Variants in ZMYM1 observed in about 807,000 individuals in gnomAD.
ZMYM1 encodes zinc finger MYM-type containing 1, also known as zinc finger MYM-type protein 1.
Under a neutral mutation model 60.0 loss-of-function variants are expected in ZMYM1, and 39 were observed. That is an observed-to-expected ratio of 0.65 (90% CI 0.50 to 0.85). ZMYM1 has a LOEUF of 0.85. Ranked by LOEUF, ZMYM1 falls within the 40% of genes least tolerant of loss-of-function variation. The pLI is 0.00. For synonymous variants in ZMYM1, 413 were observed against 454.0 expected, an observed-to-expected ratio of 0.91 and a Z score of 1.15; for missense variants, 1,171 against 1,309.5, an observed-to-expected ratio of 0.89 and a Z score of 1.63.
At chr1:35,098,472 A>G (rs1356656015) in intron 4 of ZMYM1, among the ~76,000 whole-genome samples, 1 of 152,208 alleles carries the variant, frequency 6.6e-6, no homozygotes, top group Admixed American at 6.5e-5. Flanking sequence ...TCTAAATATA[A>G]CAAATTTCTT....
chr1:35,104,467 A>G lies in ZMYM1; in HGVS notation c.592A>G (p.Ile198Val). ...GTGCAGCATGTGCCAGAAGACTGCT[A>G]TTGTAAGTTCCAATTATAACCTTTA... ...TKCSMCQKTA[I>V]IQYEVKYQNV... The change falls in exon 5 of 10, where the codon ATT becomes GTT. Residue 198 changes from isoleucine (I) to valine (V), a missense_variant and splice_region_variant. Transcript: ENST00000359858. 1.2e-6 allele frequency: 2 copies of G among 1,609,318 alleles called. No homozygotes were observed. The highest frequency in any genetic ancestry group is 1.7e-6 in the Non-Finnish European group (2 of 1,176,802).
intron 4 of ZMYM1, among the ~76,000 whole-genome samples, chr1:35,098,277 C>T (rs1307294253): frequency 1.3e-5 from 2 of 151,944 alleles, no homozygotes; most frequent in Admixed American, 1.3e-4. Context: ...AATTGATGGC[C>T]ATAGATAAAC....
chr1:35,103,210 T>C (rs1643746930), intron 4 of ZMYM1, among the ~76,000 whole-genome samples: 1 of 152,202 alleles, frequency 6.6e-6, no homozygotes, highest in African/African-American at 2.4e-5. Flanking sequence ...CCAAAACATT[T>C]CCATCACTTC....
chr1:35,068,491 C>T (rs965186742), intron 1 of ZMYM1, among the ~76,000 whole-genome samples: 1 of 148,596 alleles, frequency 6.7e-6, no homozygotes, highest in Non-Finnish European at 1.5e-5. Context: ...GGGATAGACA[C>T]ATAGATTCAT....
chr1:35,115,207 A>C lies in ZMYM1; in HGVS notation c.3377A>C (p.Glu1126Ala). 1 of 1,605,336 alleles carries C rather than the reference A, an allele frequency of 6.2e-7. No individual in the cohort carries two copies. The highest frequency in any genetic ancestry group is 8.5e-7 in the Non-Finnish European group (1 of 1,177,878). The change falls in exon 10 of 10, where the codon GAA becomes GCA. Residue 1126 changes from glutamate to alanine, a missense_variant. Transcript: ENST00000359858. ...QELVNKLMEP[E>A]RLNEIVEKFI... ...TTGGTAAATAAACTAATGGAGCCTG[A>C]AAGACTCAATGAAATTGTGGAAAAG...
chr1:35,075,277 T>A (rs575872775), upstream of ZMYM1, among the ~76,000 whole-genome samples: 4 of 152,286 alleles, frequency 2.6e-5, no homozygotes, highest in East Asian at 7.7e-4. Flanking sequence ...TGTTTGTCTT[T>A]AATGGTGAGG....
chr1:35,106,606 C>A (rs1643894821), intron 6 of ZMYM1, among the ~76,000 whole-genome samples: 3 of 93,934 alleles, frequency 3.2e-5, no homozygotes, highest in Non-Finnish European at 1.9e-5. Flanking sequence ...GAGACTCCGT[C>A]TCAAAAAAAA....
intron 1 of ZMYM1, among the ~76,000 whole-genome samples, chr1:35,068,485 T>C (rs1421019438): frequency 6.7e-6 from 1 of 148,650 alleles, no homozygotes; most frequent in Non-Finnish European, 1.5e-5. Flanking sequence ...TGCAAAGGGA[T>C]AGACACATAG....
chr1:35,074,137 C>G (rs1288990196), intron 1 of ZMYM1, among the ~76,000 whole-genome samples: 2 of 152,150 alleles, frequency 1.3e-5, no homozygotes, highest in Non-Finnish European at 2.9e-5. Context: ...ACCAATTGGT[C>G]ATTCAGGATC....
chr1:35,088,454 A>ATATATATATATATATATG, intron 1 of ZMYM1, among the ~76,000 whole-genome samples: 1 of 107,250 alleles, frequency 9.3e-6, no homozygotes, highest in Non-Finnish European at 1.7e-5. Flanking sequence ...ATATATATAT[A>ATATATATATATATATATG]TGTGTGTGTG....
Position 35,104,391 on chromosome 1 carries a change from A to G in ZMYM1, c.516A>G (p.Glu172=). The G allele has an allele frequency of 6.2e-7, 1 of 1,613,322 alleles. No individual in the cohort carries two copies. Among genetic ancestry groups the G allele is most frequent in the South Asian group, 1.1e-5 (1 of 90,978 alleles). ...GCCTATCTTGTCTTTCATCATATGAAGAAAAAAGAAAACCATTTGTTACCA... is the reference window on the plus strand; with the variant it reads ...GCCTATCTTGTCTTTCATCATATGAGGAAAAAAGAAAACCATTTGTTACCA... ...FCSLSCLSSY[E]EKRKPFVTIC... Residue 172 remains glutamate (E), a synonymous_variant, in exon 5 of 10, where the codon GAA becomes GAG. Transcript: ENST00000359858.
intron 4 of ZMYM1, among the ~76,000 whole-genome samples, chr1:35,100,928 C>T (rs769784965): frequency 6.6e-6 from 1 of 151,858 alleles, no homozygotes; most frequent in Non-Finnish European, 1.5e-5. Flanking sequence ...TTTACCCTCC[C>T]AAGTAGCTGG....
chr1:35,078,112 T>G (rs1418289522), upstream of ZMYM1, among the ~76,000 whole-genome samples: 2 of 152,222 alleles, frequency 1.3e-5, no homozygotes, highest in Non-Finnish European at 2.9e-5. Context: ...GTAAGGTCCT[T>G]TCTAATCCTA....
intron 2 of ZMYM1, 61 bp downstream of exon 2, chr1:35,094,144 A>G (rs1569933762): frequency 1.4e-6 from 2 of 1,435,132 alleles, no homozygotes; most frequent in East Asian, 2.4e-5. Flanking sequence ...AATTTTAGTT[A>G]CAAAGGTGCT....
intron 6 of ZMYM1, among the ~76,000 whole-genome samples, chr1:35,106,608 CAA>C (rs752085700): frequency 4.0e-3 from 154 of 38,850 alleles, no homozygotes; most frequent in African/African-American, 0.013. Flanking sequence ...GACTCCGTCT[CAA>C]AAAAAAAAAA....
upstream of ZMYM1, among the ~76,000 whole-genome samples, chr1:35,076,673 C>T (rs568412886): frequency 6.6e-6 from 1 of 151,482 alleles, no homozygotes; most frequent in Non-Finnish European, 1.5e-5. Flanking sequence ...TGACTCACGC[C>T]TGTAATCACA....
chr1:35,066,281 T>C (rs961392494), intron 1 of ZMYM1, among the ~76,000 whole-genome samples: 22 of 152,206 alleles, frequency 1.4e-4, no homozygotes, highest in African/African-American at 5.3e-4. Context: ...CACTGCAACC[T>C]CCAACTCCTG....
chr1:35,062,926 A>C (rs867631576), intron 1 of ZMYM1, among the ~76,000 whole-genome samples: 4 of 152,170 alleles, frequency 2.6e-5, no homozygotes, highest in South Asian at 2.1e-4. Flanking sequence ...ATAACCTTCC[A>C]AATCACAGAG....
In ZMYM1 at chr1:35,079,385, C is replaced by T. The variant is rs972079280; in HGVS notation, c.-132C>T. ...GGGAGAGGGGCGGGGTCGGCGGGGCCGTTTCGCTTCGAAGATTGTTTCAGA... is the reference window on the plus strand; with the variant it reads ...GGGAGAGGGGCGGGGTCGGCGGGGCTGTTTCGCTTCGAAGATTGTTTCAGA... On this transcript the variant is annotated 5_prime_UTR_variant, in exon 1 of 10. Transcript: ENST00000359858. 2 of 149,106 alleles carry T rather than the reference C, an allele frequency of 1.3e-5. No homozygotes were observed. Among genetic ancestry groups the T allele is most frequent in the South Asian group, 2.2e-4 (1 of 4,600 alleles). The allele number at this position is 149,106 out of a possible 1,614,324, so 9.2% of individuals were successfully genotyped here.
Sources: gnomAD v4.1 joint callset for allele counts (sites outside exome capture counted in the v4.1 genomes callset) on GRCh38, gnomAD v4.1.1 for gene constraint, MANE v1.5 for transcripts, NCBI Gene and HGNC (gene_info 2026-07-23, HGNC 2026-07-21) for gene names.